ZNF385B: variants seen among roughly 807,000 people sequenced by gnomAD.
The protein encoded by ZNF385B is zinc finger protein 533.
In ZNF385B, 23 loss-of-function variants were observed where a neutral mutation model predicts 39.2. That is an observed-to-expected ratio of 0.59 (90% CI 0.42 to 0.83). ZNF385B has a LOEUF of 0.83. ZNF385B is among the 40% of genes least tolerant of loss of function. ZNF385B has a pLI of 0.00. For synonymous variants in ZNF385B, 205 were observed against 222.6 expected, an observed-to-expected ratio of 0.92 and a Z score of 0.70; for missense variants, 552 against 598.9, an observed-to-expected ratio of 0.92 and a Z score of 0.82.
intron 5 of ZNF385B, among the ~76,000 whole-genome samples, 185 bp downstream of exon 5, chr2:179,518,343 A>G (rs1396164732): frequency 6.6e-6 from 1 of 152,214 alleles, no homozygotes; most frequent in Non-Finnish European, 1.5e-5. Context: ...AGGGCCAACC[A>G]TACTCTATTG....
At chr2:179,675,785 A>G (rs1203377799) in intron 3 of ZNF385B, among the ~76,000 whole-genome samples, 2 of 91,154 alleles carry the variant, frequency 2.2e-5, no homozygotes, top group Non-Finnish European at 4.2e-5. Flanking sequence ...AAAAATACTG[A>G]CAGTAATTTT....
intron 5 of ZNF385B, among the ~76,000 whole-genome samples, chr2:179,493,981 A>G (rs943712317): frequency 3.3e-5 from 5 of 151,096 alleles, no homozygotes; most frequent in African/African-American, 1.2e-4. Flanking sequence ...ATATGGGGAC[A>G]TAGATAAGAA....
chr2:179,564,821 C>T (rs906635112), intron 3 of ZNF385B, among the ~76,000 whole-genome samples: 7 of 152,224 alleles, frequency 4.6e-5, no homozygotes, highest in African/African-American at 7.2e-5. Flanking sequence ...CCCATTGGCA[C>T]CTCAAGTTCA....
chr2:179,765,705 A>T (rs998563869), intron 3 of ZNF385B, among the ~76,000 whole-genome samples: 1 of 151,962 alleles, frequency 6.6e-6, no homozygotes. Context: ...CCATCTGCCC[A>T]CCCTTGCTAG....
At chr2:179,676,417 G>A (rs1310848972) in intron 3 of ZNF385B, among the ~76,000 whole-genome samples, 3 of 151,930 alleles carry the variant, frequency 2.0e-5, no homozygotes, top group Non-Finnish European at 4.4e-5. Flanking sequence ...GTAGAGATGG[G>A]GTTTCACCGT....
chr2:179,598,578 A>G (rs1688177469), intron 3 of ZNF385B, among the ~76,000 whole-genome samples: 1 of 152,130 alleles, frequency 6.6e-6, no homozygotes, highest in Admixed American at 6.6e-5. Flanking sequence ...AACCTGTAAT[A>G]TTCTGATATG....
chr2:179,674,806 GA>G (rs1257245170), intron 3 of ZNF385B, among the ~76,000 whole-genome samples: 2 of 152,206 alleles, frequency 1.3e-5, no homozygotes, highest in Non-Finnish European at 2.9e-5. Context: ...CCCAGAGAGG[GA>G]AAACTGAATA....
intron 3 of ZNF385B, among the ~76,000 whole-genome samples, chr2:179,683,277 C>G (rs766865518): frequency 2.0e-5 from 3 of 151,812 alleles, no homozygotes; most frequent in Non-Finnish European, 4.4e-5. Flanking sequence ...GTAATCGCAG[C>G]TACTCAGGAG....
chr2:179,724,834 T>A (rs1700904553), intron 3 of ZNF385B, among the ~76,000 whole-genome samples: 1 of 152,176 alleles, frequency 6.6e-6, no homozygotes, highest in African/African-American at 2.4e-5. Context: ...TGGGAATGTG[T>A]CTGTCATCCT....
At chr2:179,655,103 G>A (rs1249863969) in intron 3 of ZNF385B, among the ~76,000 whole-genome samples, 2 of 152,178 alleles carry the variant, frequency 1.3e-5, no homozygotes, top group Non-Finnish European at 2.9e-5. Context: ...TGTATCATGG[G>A]TAGTTTTTGG....
At chr2:179,640,260 ATAG>A (rs975863835) in intron 3 of ZNF385B, among the ~76,000 whole-genome samples, 1 of 152,174 alleles carries the variant, frequency 6.6e-6, no homozygotes, top group African/African-American at 2.4e-5. Context: ...GGCAGGCTAT[ATAG>A]TAGTACTCTA....
chr2:179,612,487 G>C (rs952560371), intron 3 of ZNF385B, among the ~76,000 whole-genome samples: 23 of 151,954 alleles, frequency 1.5e-4, no homozygotes, highest in Non-Finnish European at 1.5e-5. Context: ...AGACTTGTAG[G>C]GGCACTGTCT....
At chr2:179,680,355 AACATC>A (rs1697406470) in intron 3 of ZNF385B, among the ~76,000 whole-genome samples, 2 of 152,212 alleles carry the variant, frequency 1.3e-5, no homozygotes, top group Non-Finnish European at 2.9e-5. Context: ...GGTTATACAT[AACATC>A]TCTAAAAGGC....
At chr2:179,753,197 T>C (rs1702789594) in intron 3 of ZNF385B, among the ~76,000 whole-genome samples, 1 of 152,228 alleles carries the variant, frequency 6.6e-6, no homozygotes, top group African/African-American at 2.4e-5. Flanking sequence ...GGGAATCATT[T>C]CCCCATTTCT....
chr2:179,576,128 C>T, intron 3 of ZNF385B: 1 of 985,362 alleles, frequency 1.0e-6, no homozygotes, highest in Non-Finnish European at 1.2e-6. Context: ...GTGTAACCCT[C>T]CAAAACGTCT....
intron 1 of ZNF385B, among the ~76,000 whole-genome samples, chr2:179,842,697 C>T (rs957269013): frequency 6.6e-6 from 1 of 152,096 alleles, no homozygotes; most frequent in African/African-American, 2.4e-5. Context: ...GCCCTTACCC[C>T]TCCCTCCAGC....
At chr2:179,493,160 TATC>T (rs922505435) in intron 5 of ZNF385B, among the ~76,000 whole-genome samples, 18 of 152,098 alleles carry the variant, frequency 1.2e-4, no homozygotes, top group African/African-American at 4.1e-4. Flanking sequence ...TAATATATGA[TATC>T]ATCAATGTGA....
intron 3 of ZNF385B, among the ~76,000 whole-genome samples, chr2:179,630,294 C>T (rs1200394204): frequency 6.6e-6 from 1 of 152,220 alleles, no homozygotes; most frequent in Non-Finnish European, 1.5e-5. Flanking sequence ...TAGGTGGCTG[C>T]CACTCTGGAA....
At chr2:179,607,434 G>A (rs532429300) in intron 3 of ZNF385B, among the ~76,000 whole-genome samples, 7 of 152,286 alleles carry the variant, frequency 4.6e-5, no homozygotes, top group African/African-American at 1.7e-4. Context: ...TGTAAGATGT[G>A]CCTTGCTTCC....
Sources: gnomAD v4.1 joint callset for allele counts (sites outside exome capture counted in the v4.1 genomes callset) on GRCh38, gnomAD v4.1.1 for gene constraint, MANE v1.5 for transcripts, NCBI Gene and HGNC (gene_info 2026-07-23, HGNC 2026-07-21) for gene names.